GGPS1: variants seen among roughly 807,000 people sequenced by gnomAD.
GGPS1 encodes geranylgeranyl diphosphate synthase 1, also known as geranylgeranyl pyrophosphate synthase.
In GGPS1, 15 loss-of-function variants were observed where a neutral mutation model predicts 28.1. The ratio of observed to expected loss-of-function variants is 0.53; its 90% CI spans 0.36 to 0.82. The LOEUF (loss-of-function observed/expected upper bound fraction) is 0.82. Among genes scored for constraint, GGPS1 ranks in the 40% least tolerant of loss-of-function variants. GGPS1 has a pLI of 0.01. For synonymous variants in GGPS1, 138 were observed against 122.4 expected (o/e 1.13, Z -0.84); for missense variants, 284 against 348.3 (o/e 0.82, Z 1.47).
intron 2 of GGPS1, among the ~76,000 whole-genome samples, chr1:235,338,841 G>A (rs1675942513): frequency 6.6e-6 from 1 of 152,262 alleles, no homozygotes; most frequent in African/African-American, 2.4e-5. Context: ...ACTCCAGCCT[G>A]GGTGACAGAG....
rs1176345210 is a variant in GGPS1 at position 235,342,223 on chromosome 1, G to C, written c.354G>C (p.Gln118His). Reference sequence around the variant, plus strand: ...ATGCAGTGAAGCTTTTTACCCGCCAGCTTTTGGAACTCCATCAGGGACAAG... The same window carrying C: ...ATGCAGTGAAGCTTTTTACCCGCCACCTTTTGGAACTCCATCAGGGACAAG... ...HPDAVKLFTR[Q>H]LLELHQGQGL... The change falls in exon 4 of 4, where the codon CAG (glutamine) becomes CAC (histidine). Residue 118 changes from glutamine (Q) to histidine (H), a missense_variant. Gln to His is a conservative substitution (Grantham distance 24). Transcript: ENST00000282841. 1 of 1,613,952 alleles carries C rather than the reference G, an allele frequency of 6.2e-7. No individual in the cohort carries two copies. Among genetic ancestry groups the C allele is most frequent in the Non-Finnish European group, 8.5e-7 (1 of 1,179,900 alleles).
chr1:235,342,549 G>A lies in GGPS1; in HGVS notation c.680G>A (p.Ser227Asn), dbSNP rs1285345045. 2.4e-5 allele frequency: 39 copies of A among 1,611,656 alleles called. No homozygotes were observed. The highest frequency in any genetic ancestry group is 3.1e-5 in the Non-Finnish European group (37 of 1,177,926). ...CATGCTATTTGGTCAAGGCCTGAAA[G>A]CACCCAGGTGCAGAATATCTTGCGC... ...TIHAIWSRPESTQVQNILRQR... is the reference protein window; with the variant it reads ...TIHAIWSRPENTQVQNILRQR... Residue 227 changes from serine (S) to asparagine (N), a missense_variant, in exon 4 of 4, where the codon AGC (serine) becomes AAC (asparagine). Physicochemically the swap from Ser to Asn is conservative, Grantham distance 46 (BLOSUM62 1). Coordinates refer to ENST00000282841, the MANE Select transcript of GGPS1 (RefSeq NM_004837.4).
At chr1:235,334,480 A>G (rs1675809065) in intron 1 of GGPS1, among the ~76,000 whole-genome samples, 1 of 152,202 alleles carries the variant, frequency 6.6e-6, no homozygotes, top group African/African-American at 2.4e-5. Context: ...CACCCATTTA[A>G]AGTGTACATT....
At chr1:235,340,735 CAAAA>C (rs1165162184) in intron 2 of GGPS1, among the ~76,000 whole-genome samples, 9 of 50,994 alleles carry the variant, frequency 1.8e-4, no homozygotes, top group South Asian at 2.1e-3. Flanking sequence ...GACTCCGTCT[CAAAA>C]AAAAAAAAAA....
At position 235,342,767 on chromosome 1, in the gene GGPS1, G is replaced by T. The variant is rs373903160; in HGVS notation, c.898G>T (p.Glu300Ter). Residue 300 changes from glutamate to a stop codon, truncating the protein, a stop_gained, in exon 4 of 4, where the codon GAA becomes TAA. Coordinates refer to ENST00000282841, the MANE Select transcript of GGPS1 (RefSeq NM_004837.4). LOFTEE classifies it high-confidence loss of function. ...AAGTAAGATGTTCAAAGAAGAAAAT[G>T]AATAATGTTAAGCCATTCTTGATTG... Reference protein sequence around the residue: ...HLSKMFKEENE With the variant: ...HLSKMFKEEN The T allele has an allele frequency of 1.3e-6, 2 of 1,571,306 alleles. No homozygotes were observed. Among genetic ancestry groups the T allele is most frequent in the East Asian group, 2.2e-5 (1 of 44,510 alleles).
At position 235,341,489 on chromosome 1, in the gene GGPS1, A is replaced by C. The variant is rs955936877; in HGVS notation, c.71-219A>C. 2.6e-5 allele frequency among the ~76,000 whole-genome samples: 4 copies of C among 152,288 alleles called. No homozygotes were observed. In the East Asian group the frequency reaches 7.7e-4, roughly 29 times the overall value. On this transcript the variant is annotated intron_variant, in intron 2 of 3. Transcript: ENST00000282841. ...TTTAGAGTCTCCCGTGCCTGCCCTA[A>C]TTTTAGAAGGTTGTGCACTTTATGA... is the stretch of plus-strand genomic sequence containing the variant.
At position 235,342,261 on chromosome 1, in the gene GGPS1, A is replaced by G; in HGVS notation, c.392A>G (p.Tyr131Cys). 1 of 1,614,146 alleles carries G rather than the reference A, an allele frequency of 6.2e-7. No homozygotes were observed. Among genetic ancestry groups the G allele is most frequent in the Non-Finnish European group, 8.5e-7 (1 of 1,179,988 alleles). The change falls in exon 4 of 4, where the codon TAC becomes TGC. Residue 131 changes from tyrosine to cysteine, a missense_variant. Coordinates refer to ENST00000282841, the MANE Select transcript of GGPS1 (RefSeq NM_004837.4). ...CATCAGGGACAAGGCCTAGATATTT[A>G]CTGGAGGGATAATTACACTTGTCCC... ...ELHQGQGLDIYWRDNYTCPTE... is the reference protein window; with the variant it reads ...ELHQGQGLDICWRDNYTCPTE...
chr1:235,342,863 T>A lies in GGPS1; in HGVS notation c.*91T>A, dbSNP rs1344458365. 1 of 875,814 alleles carries A rather than the reference T, an allele frequency of 1.1e-6. No individual in the cohort carries two copies. Among genetic ancestry groups the A allele is most frequent in the Non-Finnish European group, 1.8e-6 (1 of 570,632 alleles). The allele number at this position is 875,814 out of a possible 1,614,324, so 54.3% of individuals were successfully genotyped here. A position where few individuals can be genotyped will look rare whatever the true frequency, so the allele number is the denominator to read the frequency against. On this transcript the variant is annotated 3_prime_UTR_variant, in exon 4 of 4. Coordinates refer to ENST00000282841, the MANE Select transcript of GGPS1 (RefSeq NM_004837.4). ...TTACCACCTTTTAAAAAATTTGTTA[T>A]TCTCCAGAAACAGTAAATAGGTGAG...
At chr1:235,331,112 G>A (rs1675701274) in intron 1 of GGPS1, among the ~76,000 whole-genome samples, 1 of 152,132 alleles carries the variant, frequency 6.6e-6, no homozygotes, top group African/African-American at 2.4e-5. Context: ...ATAGGTTTTT[G>A]CCTAATAGGT....
At position 235,344,527 on chromosome 1, in the gene GGPS1, T is replaced by A. The variant is rs1676145021; in HGVS notation, c.*1755T>A. The A allele has an allele frequency of 6.0e-6, 1 of 167,060 alleles. No homozygotes were observed. The highest frequency in any genetic ancestry group is 2.4e-5 in the African/African-American group (1 of 41,466). 10.3% of individuals were successfully genotyped at this position (167,060 alleles called of 1,614,324 possible). A position where few individuals can be genotyped will look rare whatever the true frequency, so the allele number is the denominator to read the frequency against. ...AAATTAAAATGTCTACCTTTAAGTATAAAAATTGCTTAAGTAGATTTGTTC... is the reference window on the plus strand; with the variant it reads ...AAATTAAAATGTCTACCTTTAAGTAAAAAAATTGCTTAAGTAGATTTGTTC... On this transcript the variant is annotated 3_prime_UTR_variant, in exon 4 of 4. Transcript: ENST00000282841.
chr1:235,337,030 G>T, intron 2 of GGPS1: 1 of 188,000 alleles, frequency 5.3e-6, no homozygotes, highest in South Asian at 1.4e-4. Flanking sequence ...AAAGCCAAGA[G>T]ACTGCTTTTG....
intron 1 of GGPS1, among the ~76,000 whole-genome samples, chr1:235,334,299 A>G (rs566360861): frequency 6.6e-6 from 1 of 152,338 alleles, no homozygotes; most frequent in Non-Finnish European, 1.5e-5. Flanking sequence ...AATTCTTTGG[A>G]TGTGTTTTGA....
intron 1 of GGPS1, among the ~76,000 whole-genome samples, chr1:235,333,897 GTAA>G (rs1675792536): frequency 6.6e-6 from 1 of 152,166 alleles, no homozygotes; most frequent in South Asian, 2.1e-4. Flanking sequence ...GAGGATAAAA[GTAA>G]TAAACTTCCC....
At chr1:235,328,820 A>G (rs1675563257) in intron 1 of GGPS1, 42 bp downstream of exon 1, 1 of 148,852 alleles carries the variant, frequency 6.7e-6, no homozygotes, top group East Asian at 2.1e-4. Flanking sequence ...CCGGATGGGA[A>G]GAAGGGCGGG....
intron 2 of GGPS1, 97 bp downstream of exon 2, chr1:235,335,431 A>G: frequency 1.7e-6 from 1 of 605,756 alleles, no homozygotes; most frequent in Admixed American, 2.9e-5. Context: ...CTAGCCGTTG[A>G]GATTTTCTAT....
chr1:235,343,816 C>A lies in GGPS1; in HGVS notation c.*1044C>A, dbSNP rs191550055. The A allele has an allele frequency of 1.9e-4, 32 of 166,874 alleles. 1 individual carries two copies. The East Asian group carries it at 6.0e-3, about 31-fold the overall frequency. The allele number at this position is 166,874 out of a possible 1,614,324, so 10.3% of individuals were successfully genotyped here. On this transcript the variant is annotated 3_prime_UTR_variant, in exon 4 of 4. Transcript: ENST00000282841. Reference sequence around the variant, plus strand: ...GATATTTTAGAAGGGAGCCTTTGAACCTTATTATATTTCCCCATCATTGAT... The same window carrying A: ...GATATTTTAGAAGGGAGCCTTTGAAACTTATTATATTTCCCCATCATTGAT...
intron 1 of GGPS1, chr1:235,329,078 G>A (rs1675587579): frequency 6.6e-6 from 1 of 152,264 alleles, no homozygotes; most frequent in African/African-American, 2.4e-5. Flanking sequence ...TGGAAAATCG[G>A]CCTCGAAGTG....
chr1:235,340,490 A>G (rs1455951528), intron 2 of GGPS1, among the ~76,000 whole-genome samples: 1 of 151,208 alleles, frequency 6.6e-6, no homozygotes, highest in Non-Finnish European at 1.5e-5. Context: ...TAATCCCAGC[A>G]CTTTGGGAGG....
intron 2 of GGPS1, among the ~76,000 whole-genome samples, chr1:235,341,373 AT>A (rs1676042011): frequency 2.0e-5 from 3 of 152,236 alleles, no homozygotes; most frequent in African/African-American, 7.2e-5. Flanking sequence ...AAAGAAATAA[AT>A]TAGGTCCTAA....
Sources: allele counts gnomAD v4.1 joint callset (sites outside exome capture counted in the v4.1 genomes callset), GRCh38; gene constraint gnomAD v4.1.1; transcripts MANE v1.5; gene names NCBI Gene and HGNC (gene_info 2026-07-23, HGNC 2026-07-21).